Variants in ITGA11 observed in about 807,000 individuals in gnomAD.
The protein encoded by ITGA11 is integrin alpha-11.
ITGA11 carries 97 observed loss-of-function variants against 141.9 expected under a neutral mutation model. That is an observed-to-expected ratio of 0.68 (90% CI 0.58 to 0.81). ITGA11 has a LOEUF of 0.81. ITGA11 is among the 30% of genes least tolerant of loss of function. The pLI is 0.00. For synonymous variants in ITGA11, 658 were observed against 624.6 expected (o/e 1.05, Z -0.80); for missense variants, 1,387 against 1,559.2 (o/e 0.89, Z 1.86).
At chr15:68,386,506 G>A (rs1177840928) in intron 2 of ITGA11, among the ~76,000 whole-genome samples, 1 of 152,100 alleles carries the variant, frequency 6.6e-6, no homozygotes, top group Non-Finnish European at 1.5e-5. Flanking sequence ...GGGGAGTCAG[G>A]CCACCATGTC....
At chr15:68,398,901 G>C (rs1295886447) in intron 2 of ITGA11, among the ~76,000 whole-genome samples, 1 of 150,894 alleles carries the variant, frequency 6.6e-6, no homozygotes, top group Non-Finnish European at 1.5e-5. Flanking sequence ...GCATTATTGA[G>C]AGAAATTTTT....
chr15:68,421,654 T>C (rs959733646), intron 1 of ITGA11, among the ~76,000 whole-genome samples: 1 of 123,788 alleles, frequency 8.1e-6, no homozygotes, highest in Non-Finnish European at 1.6e-5. Context: ...GTGGGGAAGA[T>C]AGATGGGAGA....
Position 68,339,491 on chromosome 15 carries a change from C to T in ITGA11, c.1276+9G>A, listed in dbSNP as rs749748885. ...GACCCGCCAGCCTCCCCTCACTCTG[C>T]GCTCTTACCCAGGTATGCACCATGG... is the stretch of plus-strand genomic sequence containing the variant. On this transcript the variant is annotated intron_variant, in intron 11 of 29. Coordinates refer to ENST00000315757, the MANE Select transcript of ITGA11 (RefSeq NM_001004439.2). 8.9e-5 allele frequency: 143 copies of T among 1,609,616 alleles called. No individual in the cohort carries two copies. The highest frequency in any genetic ancestry group is 1.1e-4 in the Non-Finnish European group (125 of 1,177,988).
At chr15:68,317,498 A>G in intron 20 of ITGA11, 135 bp from the exon 21 acceptor site, 1 of 663,534 alleles carries the variant, frequency 1.5e-6, no homozygotes. Context: ...GAAAGCCTGG[A>G]CCACAGCCCT....
At chr15:68,350,865 C>G in intron 8 of ITGA11, 83 bp from the exon 9 acceptor site, 1 of 1,443,926 alleles carries the variant, frequency 6.9e-7, no homozygotes, top group South Asian at 1.4e-5. Context: ...ACCCTGGGGA[C>G]CCCAGGGTGG....
intron 9 of ITGA11, 135 bp downstream of exon 9, chr15:68,350,482 G>A: frequency 1.2e-6 from 1 of 827,676 alleles, no homozygotes; most frequent in Non-Finnish European, 1.8e-6. Context: ...GAGTCACCAT[G>A]CCTGGCCTGG....
At chr15:68,337,736 T>C (rs1025677175) in intron 11 of ITGA11, among the ~76,000 whole-genome samples, 24 of 77,218 alleles carry the variant, frequency 3.1e-4, no homozygotes, top group Admixed American at 5.5e-4. Flanking sequence ...GTTGCCAACA[T>C]GAAAAAGCTC....
intron 2 of ITGA11, among the ~76,000 whole-genome samples, chr15:68,385,340 A>T (rs1895960011): frequency 1.3e-5 from 2 of 152,206 alleles, no homozygotes; most frequent in Admixed American, 6.5e-5. Flanking sequence ...CCTGTGGGAA[A>T]GGACTGCAAT....
At chr15:68,319,161 G>T (rs1010123991) in intron 20 of ITGA11, among the ~76,000 whole-genome samples, 6 of 152,242 alleles carry the variant, frequency 3.9e-5, no homozygotes, top group Admixed American at 3.3e-4. Flanking sequence ...GTCACATAGC[G>T]CAGGCTCAGG....
chr15:68,306,333 GT>G, intron 28 of ITGA11, among the ~76,000 whole-genome samples: 1 of 152,060 alleles, frequency 6.6e-6, no homozygotes. Flanking sequence ...CTCTGTGTGT[GT>G]GAGCAGGGTA....
chr15:68,404,534 C>T (rs1194256039), intron 1 of ITGA11, among the ~76,000 whole-genome samples: 3 of 152,168 alleles, frequency 2.0e-5, no homozygotes, highest in African/African-American at 7.2e-5. Context: ...TCTGGGCCTC[C>T]TCACATCTGC....
At chr15:68,373,105 C>T (rs1315290828) in intron 2 of ITGA11, among the ~76,000 whole-genome samples, 1 of 152,110 alleles carries the variant, frequency 6.6e-6, no homozygotes, top group African/African-American at 2.4e-5. Flanking sequence ...GTGTGTACCC[C>T]ACCCTGGAGA....
chr15:68,417,584 C>G (rs752881845), intron 1 of ITGA11, among the ~76,000 whole-genome samples: 9 of 152,198 alleles, frequency 5.9e-5, no homozygotes, highest in Admixed American at 6.5e-5. Flanking sequence ...CTGCTTAAAG[C>G]CCCCGAGAGT....
chr15:68,394,384 T>C (rs1896185130), intron 2 of ITGA11, among the ~76,000 whole-genome samples: 1 of 152,120 alleles, frequency 6.6e-6, no homozygotes, highest in Non-Finnish European at 1.5e-5. Context: ...GAAGAAATCA[T>C]GATGAGAATT....
intron 26 of ITGA11, among the ~76,000 whole-genome samples, chr15:68,310,655 C>T (rs1893349212): frequency 6.6e-6 from 1 of 152,184 alleles, no homozygotes; most frequent in Non-Finnish European, 1.5e-5. Flanking sequence ...TTCCCCTTCC[C>T]TCTGCCTCTC....
intron 1 of ITGA11, among the ~76,000 whole-genome samples, chr15:68,426,809 G>A (rs1398143991): frequency 6.6e-6 from 1 of 152,012 alleles, no homozygotes; most frequent in African/African-American, 2.4e-5. Flanking sequence ...GAGGTTGGGA[G>A]TTCAAGACCA....
rs377444249 is a variant in ITGA11, at chr15:68,358,562, C to G, written c.496G>C (p.Val166Leu). The change falls in exon 6 of 30, where the codon GTC becomes CTC. Residue 166 changes from valine (V) to leucine (L), a missense_variant. Physicochemically the swap from Val to Leu is conservative, Grantham distance 32. Coordinates refer to ENST00000315757, the MANE Select transcript of ITGA11 (RefSeq NM_001004439.2). Reference protein sequence around the residue: ...LQRCQTYMDIVIVLDGSNSIY... With the variant: ...LQRCQTYMDILIVLDGSNSIY... ...CTGTTGGAGCCATCCAGGACAATGA[C>G]GATGTCCATGTAGGTCTGGCACCCT... 1 of 1,613,756 alleles carries G rather than the reference C, an allele frequency of 6.2e-7. No individual in the cohort carries two copies. The highest frequency in any genetic ancestry group is 8.5e-7 in the Non-Finnish European group (1 of 1,179,832).
intron 1 of ITGA11, among the ~76,000 whole-genome samples, chr15:68,421,296 C>T (rs4777050): frequency 0.14 from 21,434 of 151,152 alleles, 4,319 homozygotes; most frequent in African/African-American, 0.45. Flanking sequence ...TCCAAGGTGC[C>T]TGATGTGTTT....
chr15:68,320,352 A>C lies in ITGA11; in HGVS notation c.2449T>G (p.Cys817Gly). The C allele has an allele frequency of 6.2e-7, 1 of 1,608,674 alleles. No individual in the cohort carries two copies. Among genetic ancestry groups the C allele is most frequent in the Non-Finnish European group, 8.5e-7 (1 of 1,177,522 alleles). ...QRVLRKPAQD[C>G]SAYTLSFDTT... ...TCGAAGGACAGCGTGTATGCGGAGC[A>C]GTCCTGCGCAGGCTTCCTCAGCACC... Residue 817 changes from cysteine (C) to glycine (G), a missense_variant, in exon 20 of 30, where the codon TGC becomes GGC. Cys to Gly is a radical substitution (Grantham distance 159). Transcript: ENST00000315757.
Sources: allele counts gnomAD v4.1 joint callset (sites outside exome capture counted in the v4.1 genomes callset), GRCh38; gene constraint gnomAD v4.1.1; transcripts MANE v1.5; gene names NCBI Gene and HGNC (gene_info 2026-07-23, HGNC 2026-07-21).